The following ASXL3 variants were observed in gnomAD, a reference collection of about 807,000 sequenced individuals.
ASXL3 encodes ASXL transcriptional regulator 3, also known as putative Polycomb group protein ASXL3.
Under a neutral mutation model 170.6 loss-of-function variants are expected in ASXL3, and 34 were observed. The observed-to-expected ratio is 0.20, with a 90% confidence interval of 0.15 to 0.27. The LOEUF is 0.27. Ranked by LOEUF, ASXL3 falls within the 10% of genes least tolerant of loss-of-function variation. The pLI is 1.00. For synonymous variants in ASXL3, 1,002 were observed against 989.1 expected (o/e 1.01, Z -0.24); for missense variants, 2,592 against 2,695.3 (o/e 0.96, Z 0.85).
At chr18:33,710,480 G>A (rs2067039662) in intron 8 of ASXL3, among the ~76,000 whole-genome samples, 1 of 152,088 alleles carries the variant, frequency 6.6e-6, no homozygotes, top group South Asian at 2.1e-4. Flanking sequence ...TCTTTCAGTG[G>A]GTCATAGTTC....
intron 1 of ASXL3, among the ~76,000 whole-genome samples, chr18:33,591,088 T>A (rs1425700964): frequency 6.6e-6 from 1 of 152,222 alleles, no homozygotes; most frequent in East Asian, 1.9e-4. Flanking sequence ...TGAGATTAGG[T>A]CAGCATCAGA....
intron 5 of ASXL3, among the ~76,000 whole-genome samples, chr18:33,664,549 C>T (rs764137010): frequency 6.6e-5 from 10 of 152,104 alleles, no homozygotes; most frequent in African/African-American, 9.7e-5. Flanking sequence ...CATTAACCAG[C>T]GTAGACTCTT....
intron 1 of ASXL3, among the ~76,000 whole-genome samples, chr18:33,604,985 G>T (rs1198292506): frequency 1.3e-5 from 2 of 152,002 alleles, no homozygotes; most frequent in African/African-American, 2.4e-5. Context: ...AGAAATACTT[G>T]TAGGTATTTG....
intron 2 of ASXL3, among the ~76,000 whole-genome samples, chr18:33,630,965 C>G (rs1191036510): frequency 6.6e-6 from 1 of 151,226 alleles, no homozygotes; most frequent in Non-Finnish European, 1.5e-5. Context: ...AAAGTCATAC[C>G]AATAGAAAAA....
intron 10 of ASXL3, among the ~76,000 whole-genome samples, chr18:33,735,612 C>G (rs984071686): frequency 6.6e-6 from 1 of 152,084 alleles, no homozygotes; most frequent in Non-Finnish European, 1.5e-5. Flanking sequence ...CCAGGTCATG[C>G]TGATGCCCAG....
chr18:33,602,884 T>C lies in ASXL3; in HGVS notation c.55-4710T>C, dbSNP rs539296162. 4.0e-5 allele frequency among the ~76,000 whole-genome samples: 6 copies of C among 151,060 alleles called. No homozygotes were observed. The East Asian group carries it at 1.2e-3, about 30-fold the overall frequency. ...AAAGTCATCTGTAATTGTAAAGAGGTATATAATGGTTTATTGTTGTTATAA... is the reference window on the plus strand; with the variant it reads ...AAAGTCATCTGTAATTGTAAAGAGGCATATAATGGTTTATTGTTGTTATAA... On this transcript the variant is annotated intron_variant, in intron 1 of 11. Transcript: ENST00000269197.
intron 2 of ASXL3, among the ~76,000 whole-genome samples, chr18:33,626,078 A>G (rs554938863): frequency 1.3e-5 from 2 of 152,046 alleles, no homozygotes; most frequent in Non-Finnish European, 2.9e-5. Context: ...AATAGTCCTC[A>G]GTCTTTTTAT....
chr18:33,602,800 G>A (rs957703385), intron 1 of ASXL3, among the ~76,000 whole-genome samples: 1 of 149,152 alleles, frequency 6.7e-6, no homozygotes, highest in Non-Finnish European at 1.5e-5. Context: ...GAGTTGTTTT[G>A]AGGATCAAAT....
chr18:33,685,227 G>T (rs186452505), intron 8 of ASXL3, among the ~76,000 whole-genome samples: 57 of 152,256 alleles, frequency 3.7e-4, no homozygotes, highest in African/African-American at 1.3e-3. Context: ...TTCCCTAAAG[G>T]CACAATGAGG....
chr18:33,747,696 A>G lies in ASXL3; in HGVS notation c.*1101A>G, dbSNP rs1022558555. On this transcript the variant is annotated 3_prime_UTR_variant, in exon 12 of 12. Transcript: ENST00000269197. ...ATTTTTCAGAACAATTGCTTTTCTC[A>G]TTATTTACAACCTATATAATTCAAC... 2 of 152,172 alleles carry G rather than the reference A, an allele frequency of 1.3e-5. No individual in the cohort carries two copies. Among genetic ancestry groups the G allele is most frequent in the African/African-American group, 2.4e-5 (1 of 41,440 alleles). 9.4% of individuals were successfully genotyped at this position (152,172 alleles called of 1,614,324 possible). A position where few individuals can be genotyped will look rare whatever the true frequency, so the allele number is the denominator to read the frequency against.
intron 1 of ASXL3, among the ~76,000 whole-genome samples, chr18:33,598,868 A>G (rs896973785): frequency 6.6e-6 from 1 of 152,142 alleles, no homozygotes; most frequent in African/African-American, 2.4e-5. Flanking sequence ...TTGTTCTCCC[A>G]CTTTCTAGCT....
intron 2 of ASXL3, among the ~76,000 whole-genome samples, chr18:33,619,820 A>T (rs1473714257): frequency 2.0e-5 from 3 of 152,082 alleles, no homozygotes; most frequent in Non-Finnish European, 4.4e-5. Flanking sequence ...TTGTGGAAAC[A>T]ATTGCATGGA....
At position 33,743,832 on chromosome 18, in the gene ASXL3, C is replaced by T; in HGVS notation, c.3984C>T (p.Ser1328=). 1 of 1,614,018 alleles carries T rather than the reference C, an allele frequency of 6.2e-7. No individual in the cohort carries two copies. The change falls in exon 12 of 12, where the codon AGC becomes AGT. Residue 1328 remains serine, a synonymous_variant. Transcript: ENST00000269197. ...ATAAGCAGTTACTAATATCAAGCAG[C>T]AGTGCTAGTAACTTAGTCTCCACTC... The part of the protein sequence containing the change: ...MDDKQLLISS[S]SASNLVSTQY...
intron 8 of ASXL3, among the ~76,000 whole-genome samples, chr18:33,705,048 CTAT>C: frequency 6.6e-6 from 1 of 151,770 alleles, no homozygotes; most frequent in South Asian, 2.1e-4. Flanking sequence ...ATTGAATAAG[CTAT>C]TATTAATATT....
chr18:33,713,344 C>CCG (rs35660488), intron 8 of ASXL3, among the ~76,000 whole-genome samples: 66,292 of 133,174 alleles, frequency 0.5, 18,375 homozygotes, highest in East Asian at 0.86. Flanking sequence ...AACCTCCACC[C>CCG]CCCCCCGGGT....
At chr18:33,693,064 C>G (rs942048656) in intron 8 of ASXL3, among the ~76,000 whole-genome samples, 1 of 152,036 alleles carries the variant, frequency 6.6e-6, no homozygotes, top group Non-Finnish European at 1.5e-5. Context: ...GCCTTATCTC[C>G]GAAGAAAATC....
chr18:33,657,759 C>T (rs1162678795), intron 4 of ASXL3, among the ~76,000 whole-genome samples: 4 of 151,888 alleles, frequency 2.6e-5, no homozygotes, highest in East Asian at 3.9e-4. Flanking sequence ...TTGGGGAGTG[C>T]GAGTAGAGGT....
intron 1 of ASXL3, among the ~76,000 whole-genome samples, chr18:33,579,672 T>C (rs1015521448): frequency 7.9e-5 from 12 of 152,180 alleles, no homozygotes; most frequent in Non-Finnish European, 1.5e-4. Flanking sequence ...CAAAAGGATA[T>C]TTCTGTACAG....
At chr18:33,700,429 C>G (rs1309045128) in intron 8 of ASXL3, among the ~76,000 whole-genome samples, 1 of 151,406 alleles carries the variant, frequency 6.6e-6, no homozygotes, top group Non-Finnish European at 1.5e-5. Context: ...CTAGGGCATT[C>G]CTGCCTGATC....
Sources: allele counts gnomAD v4.1 joint callset (sites outside exome capture counted in the v4.1 genomes callset), GRCh38; gene constraint gnomAD v4.1.1; transcripts MANE v1.5; gene names NCBI Gene and HGNC (gene_info 2026-07-23, HGNC 2026-07-21).